DPP6: variants seen among roughly 807,000 people sequenced by gnomAD.
DPP6 encodes A-type potassium channel modulatory protein DPP6.
Under a neutral mutation model 122.6 loss-of-function variants are expected in DPP6, and 69 were observed. That is an observed-to-expected ratio of 0.56 (90% confidence interval 0.46 to 0.69). The LOEUF (loss-of-function observed/expected upper bound fraction) is 0.69, where lower values mean the gene tolerates loss of function less well. Among genes scored for constraint, DPP6 ranks in the 30% least tolerant of loss-of-function variants. DPP6 has a pLI of 0.00. For missense variants in DPP6, 928 were observed against 1,116.9 expected (o/e 0.83, Z 2.41); for synonymous variants, 418 against 433.1 (o/e 0.97, Z 0.43).
chr7:154,893,584 C>A lies in DPP6; in HGVS notation c.*1104C>A, dbSNP rs539868060. The A allele has an allele frequency of 6.6e-6, 1 of 151,910 alleles. No homozygotes were observed. Among genetic ancestry groups the A allele is most frequent in the Non-Finnish European group, 1.5e-5 (1 of 68,012 alleles). 9.4% of individuals were successfully genotyped at this position (151,910 alleles called of 1,614,324 possible). On this transcript the variant is annotated 3_prime_UTR_variant, in exon 26 of 26. Coordinates refer to ENST00000377770, the MANE Select transcript of DPP6 (RefSeq NM_130797.4). ...GGGCCTGCGCGCATCCCTCTCCCATCGTGGGGGTGGCTCCGTGACCTTCCT... is the reference window on the plus strand; with the variant it reads ...GGGCCTGCGCGCATCCCTCTCCCATAGTGGGGGTGGCTCCGTGACCTTCCT...
chr7:153,944,178 G>A (rs1338120306), intron 1 of DPP6, among the ~76,000 whole-genome samples: 2 of 152,204 alleles, frequency 1.3e-5, no homozygotes, highest in Non-Finnish European at 2.9e-5. Context: ...GCACAGCCGG[G>A]GCTCGGTCCG....
intron 17 of DPP6, among the ~76,000 whole-genome samples, chr7:154,855,451 G>A (rs919267528): frequency 2.0e-5 from 3 of 152,196 alleles, no homozygotes; most frequent in African/African-American, 7.2e-5. Context: ...AGGAGGGGCT[G>A]GTTTCCCCAG....
chr7:153,888,270 C>T (rs536022133), intron 1 of DPP6, among the ~76,000 whole-genome samples: 1 of 152,320 alleles, frequency 6.6e-6, no homozygotes, highest in South Asian at 2.1e-4. Flanking sequence ...GACCCTGCTC[C>T]CTGGATTGGG....
intron 1 of DPP6, among the ~76,000 whole-genome samples, chr7:154,443,005 G>A (rs570563692): frequency 6.7e-4 from 102 of 152,176 alleles, no homozygotes; most frequent in African/African-American, 2.4e-3. Flanking sequence ...GAGGTAAGCC[G>A]AAGCCTGCAC....
intron 8 of DPP6, 81 bp from the exon 9 acceptor site, chr7:154,769,336 C>T (rs1796094472): frequency 1.9e-6 from 3 of 1,579,762 alleles, no homozygotes; most frequent in African/African-American, 1.3e-5. Context: ...TCTTTCCTGG[C>T]CACCTCATGT....
chr7:154,045,159 G>C (rs1799956547), intron 1 of DPP6, among the ~76,000 whole-genome samples: 1 of 150,090 alleles, frequency 6.7e-6, no homozygotes, highest in Non-Finnish European at 1.5e-5. Flanking sequence ...AGACTAAATG[G>C]ACTGCATTCT....
rs770100778 is a variant in DPP6 at position 154,887,681 on chromosome 7, G to A, written c.2251G>A (p.Ala751Thr). The change falls in exon 23 of 26, where the codon GCG becomes ACG. Residue 751 changes from alanine (A) to threonine (T), a missense_variant. By Grantham distance (58) the Ala-to-Thr change is moderately conservative. Transcript: ENST00000377770. ...PITDFKLYAS[A>T]FSERYLGLHG... ...CTCCCTTTGCTTCCGTGCAGCCTCT[G>A]CGTTTTCCGAGAGGTACTTGGGCCT... 2 of 1,613,944 alleles carry A rather than the reference G, an allele frequency of 1.2e-6. No individual in the cohort carries two copies. Among genetic ancestry groups the A allele is most frequent in the Middle Eastern group, 1.6e-4 (1 of 6,062 alleles).
At chr7:154,305,828 C>A (rs1806292615) in intron 1 of DPP6, among the ~76,000 whole-genome samples, 1 of 152,040 alleles carries the variant, frequency 6.6e-6, no homozygotes, top group South Asian at 2.1e-4. Context: ...CACAGGGAAC[C>A]TCTGTCAAGG....
chr7:154,697,489 C>T (rs530690481), intron 7 of DPP6, among the ~76,000 whole-genome samples: 4 of 152,332 alleles, frequency 2.6e-5, no homozygotes, highest in African/African-American at 7.2e-5. Context: ...GGCCTCTCAT[C>T]GGGCCCCTTG....
the DPP6 span, among the ~76,000 whole-genome samples, chr7:153,864,369 T>C: frequency 3.9e-5 from 6 of 152,076 alleles, no homozygotes. Context: ...AAATATATGC[T>C]TGGGGCCGGG....
chr7:154,690,112 A>G (rs1839851946), intron 7 of DPP6, among the ~76,000 whole-genome samples: 1 of 152,214 alleles, frequency 6.6e-6, no homozygotes, highest in South Asian at 2.1e-4. Context: ...GGACTTGCTT[A>G]TTGGATAGTC....
chr7:154,061,892 G>GCGA (rs1801995091), intron 1 of DPP6, among the ~76,000 whole-genome samples: 2 of 128,296 alleles, frequency 1.6e-5, no homozygotes, highest in African/African-American at 2.9e-5. Context: ...GGGACTGAGA[G>GCGA]GCAATCCCTC....
intron 1 of DPP6, among the ~76,000 whole-genome samples, chr7:154,384,297 G>C (rs374086935): frequency 3.3e-5 from 5 of 152,292 alleles, no homozygotes; most frequent in African/African-American, 1.2e-4. Context: ...AATCAGGAAA[G>C]GACAAGTCAA....
At chr7:154,639,447 T>C (rs1164080529) in intron 6 of DPP6, among the ~76,000 whole-genome samples, 2 of 152,216 alleles carry the variant, frequency 1.3e-5, no homozygotes, top group Non-Finnish European at 2.9e-5. Context: ...TGCCTTGAGA[T>C]TTATCTGCCC....
At chr7:154,718,207 T>C (rs1371695091) in intron 7 of DPP6, among the ~76,000 whole-genome samples, 1 of 152,242 alleles carries the variant, frequency 6.6e-6, no homozygotes, top group African/African-American at 2.4e-5. Context: ...AGGCTGTCTC[T>C]TCACTCTGTC....
intron 5 of DPP6, among the ~76,000 whole-genome samples, chr7:154,594,633 C>T (rs1043783219): frequency 2.0e-5 from 3 of 152,274 alleles, no homozygotes; most frequent in Admixed American, 1.3e-4. Flanking sequence ...TCTTAGTATA[C>T]ATACCTGATT....
chr7:153,907,039 A>G (rs11561899), intron 1 of DPP6, among the ~76,000 whole-genome samples: 7,140 of 152,310 alleles, frequency 0.047, 238 homozygotes, highest in East Asian at 0.13. Flanking sequence ...TTGGTAGATC[A>G]AAGTGTAGTT....
chr7:154,141,325 C>A (rs55914034), intron 1 of DPP6, among the ~76,000 whole-genome samples: 6,681 of 152,236 alleles, frequency 0.044, 439 homozygotes, highest in African/African-American at 0.15. Context: ...ATGCACCTTA[C>A]GACTCTTTTC....
At chr7:154,447,167 G>T (rs372061049) in intron 2 of DPP6, among the ~76,000 whole-genome samples, 454 of 152,202 alleles carry the variant, frequency 3.0e-3, no homozygotes, top group African/African-American at 0.01. Context: ...TTAGCCAGGC[G>T]TGGTGGCAAG....
Sources: gnomAD v4.1 joint callset for allele counts (sites outside exome capture counted in the v4.1 genomes callset) on GRCh38, gnomAD v4.1.1 for gene constraint, MANE v1.5 for transcripts, NCBI Gene and HGNC (gene_info 2026-07-23, HGNC 2026-07-21) for gene names.